POTEB3: variants seen among roughly 807,000 people sequenced by gnomAD.
POTEB3 encodes the protein POTE ankyrin domain family member B3, also known as ANKRD26-like family B member 1.
In POTEB3, 5 loss-of-function variants were observed where a neutral mutation model predicts 39.8. That is an observed-to-expected ratio of 0.13 (90% CI 0.07 to 0.26). The LOEUF (loss-of-function observed/expected upper bound fraction) is 0.26, where lower values mean the gene tolerates loss of function less well. POTEB3 is among the 10% of genes least tolerant of loss of function. The probability of loss-of-function intolerance (pLI) is 1.00; values close to 1 mark genes in which losing one functional copy is unlikely to be tolerated. For missense variants in POTEB3, 24 were observed against 475.6 expected, an observed-to-expected ratio of 0.05 and a Z score of 8.83; for synonymous variants, 5 against 161.5, an observed-to-expected ratio of 0.03 and a Z score of 7.35.
In POTEB3 at chr15:21,410,775, G is replaced by T. The variant is rs1898307240; in HGVS notation, c.1533+103C>A. Reference sequence around the variant, plus strand: ...TACACACACACAGACACACACACACGTGTGTATATATATGATTTAAAAATC... The same window carrying T: ...TACACACACACAGACACACACACACTTGTGTATATATATGATTTAAAAATC... On this transcript the variant is annotated intron_variant, in intron 10 of 10. Coordinates refer to ENST00000611217, the MANE Select transcript of POTEB3 (RefSeq NM_207355.5). 13 of 689,722 alleles carry T rather than the reference G, an allele frequency of 1.9e-5. 3 individuals carry two copies. Among genetic ancestry groups the T allele is most frequent in the Non-Finnish European group, 2.6e-5 (13 of 500,648 alleles). The allele number at this position is 689,722 out of a possible 1,614,324, so 42.7% of individuals were successfully genotyped here.
At position 21,439,885 on chromosome 15, in the gene POTEB3, T is replaced by G; in HGVS notation, c.127A>C (p.Met43Leu). 3.3e-6 allele frequency: 4 copies of G among 1,224,348 alleles called. No individual in the cohort carries two copies. The highest frequency in any genetic ancestry group is 1.9e-5 in the South Asian group (1 of 52,896). 75.8% of individuals were successfully genotyped at this position (1,224,348 alleles called of 1,614,324 possible). Reference protein sequence around the residue: ...PCCRGSGKSNMGTSGDHDDSF... With the variant: ...PCCRGSGKSNLGTSGDHDDSF... ...TCGTCGTGGTCTCCAGAAGTGCCCATGTTGCTCTTGCCGCTCCCCCTGCAG... is the reference window on the plus strand; with the variant it reads ...TCGTCGTGGTCTCCAGAAGTGCCCAGGTTGCTCTTGCCGCTCCCCCTGCAG... The change falls in exon 1 of 11, where the codon ATG becomes CTG. Residue 43 changes from methionine (M) to leucine (L), a missense_variant. Coordinates refer to ENST00000611217, the MANE Select transcript of POTEB3 (RefSeq NM_207355.5).
At chr15:21,412,900 AG>A (rs1898340305) in intron 9 of POTEB3, among the ~76,000 whole-genome samples, 1 of 85,468 alleles carries the variant, frequency 1.2e-5, no homozygotes, top group Non-Finnish European at 2.2e-5. Context: ...TAAACTAAAA[AG>A]CTTCAGCACA....
intron 6 of POTEB3, among the ~76,000 whole-genome samples, chr15:21,426,451 C>A (rs1473280580): frequency 3.3e-5 from 5 of 149,348 alleles, no homozygotes; most frequent in Admixed American, 3.3e-4. Flanking sequence ...TAACAAGCTC[C>A]TGTCTGTATT....
At chr15:21,417,275 T>C (rs1319769667) in intron 9 of POTEB3, among the ~76,000 whole-genome samples, 1 of 75,520 alleles carries the variant, frequency 1.3e-5, no homozygotes, top group Non-Finnish European at 2.3e-5. Context: ...CTTACTGGCA[T>C]GAGATCAAGA....
At chr15:21,426,562 T>C (rs1898720826) in intron 6 of POTEB3, among the ~76,000 whole-genome samples, 1 of 140,756 alleles carries the variant, frequency 7.1e-6, no homozygotes, top group Non-Finnish European at 1.5e-5. Flanking sequence ...AGAAATGTTT[T>C]CTTTGTAAAT....
rs1392020024 is a variant in POTEB3 at position 21,408,141 on chromosome 15, C to T, written c.*842G>A. On this transcript the variant is annotated 3_prime_UTR_variant, in exon 11 of 11. Coordinates refer to ENST00000611217, the MANE Select transcript of POTEB3 (RefSeq NM_207355.5). ...CCGTGGAAGATGGACTGACTTGTTC[C>T]TTGTGTCAACTGCAGCTTGTTGGAG... The T allele has an allele frequency of 1.2e-5, 1 of 81,914 alleles. No individual in the cohort carries two copies. Among genetic ancestry groups the T allele is most frequent in the Non-Finnish European group, 2.2e-5 (1 of 45,582 alleles). The allele number at this position is 81,914 out of a possible 1,614,324, so 5.1% of individuals were successfully genotyped here. A position where few individuals can be genotyped will look rare whatever the true frequency, so the allele number is the denominator to read the frequency against.
intron 6 of POTEB3, among the ~76,000 whole-genome samples, chr15:21,422,625 G>A (rs1373988572): frequency 7.3e-6 from 1 of 137,046 alleles, no homozygotes; most frequent in Non-Finnish European, 1.6e-5. Flanking sequence ...CCCTGTCTGA[G>A]AAGCCAGAGC....
chr15:21,422,857 C>T (rs1336458362), intron 6 of POTEB3, among the ~76,000 whole-genome samples: 1 of 150,656 alleles, frequency 6.6e-6, no homozygotes, highest in South Asian at 2.1e-4. Context: ...TATAAGTTTG[C>T]CTATATAAGC....
rs1269560290 is a variant in POTEB3, at chr15:21,409,365, C to T, written c.1534-170G>A. 4.6e-5 allele frequency among the ~76,000 whole-genome samples: 4 copies of T among 86,200 alleles called. 1 individual carries two copies. The South Asian group carries it at 1.1e-3, about 24-fold the overall frequency. The allele number at this position is 86,200 out of a possible 152,430, so 56.6% of individuals were successfully genotyped here. On this transcript the variant is annotated intron_variant, in intron 10 of 10. Coordinates refer to ENST00000611217, the MANE Select transcript of POTEB3 (RefSeq NM_207355.5). ...TTCAAATCTAAAAGAGTGTAAATTC[C>T]AAAAAGTTGAAATATTTATCTAAAG...
At chr15:21,415,987 C>T (rs1235210520) in intron 9 of POTEB3, among the ~76,000 whole-genome samples, 1 of 750 alleles carries the variant, frequency 1.3e-3, no homozygotes. Flanking sequence ...ATTCCAGACA[C>T]AGGGAACTGC....
Position 21,409,976 on chromosome 15 carries a change from T to TAC in POTEB3, c.1534-783_1534-782dup, listed in dbSNP as rs59893004. On this transcript the variant is annotated intron_variant, in intron 10 of 10. Transcript: ENST00000611217. Reference sequence around the variant, plus strand: ...TGACAGTGCAAGACTCCATCTAGAATACACACACACACACACACACACACA... The same window carrying TAC: ...TGACAGTGCAAGACTCCATCTAGAATACACACACACACACACACACACACACA... 6.4e-3 allele frequency among the ~76,000 whole-genome samples: 521 copies of TAC among 81,834 alleles called. 5 individuals are homozygous for TAC. Among genetic ancestry groups the TAC allele is most frequent in the Non-Finnish European group, 7.9e-3 (364 of 46,036 alleles). 53.7% of individuals were successfully genotyped at this position (81,834 alleles called of 152,430 possible).
At chr15:21,418,000 G>T (rs1252125346) in intron 9 of POTEB3, among the ~76,000 whole-genome samples, 1 of 103,948 alleles carries the variant, frequency 9.6e-6, no homozygotes, top group African/African-American at 7.3e-5. Flanking sequence ...TGTAAGTAAA[G>T]AATCTTGGAA....
rs1234089169 is a variant in POTEB3, at chr15:21,407,461, G to A, written c.*1522C>T. On this transcript the variant is annotated 3_prime_UTR_variant, in exon 11 of 11. Transcript: ENST00000611217. ...GATGTAGGAAGTTTCCATATAAAGG[G>A]CTGCAGTATGGAGAGGTAATGTGCA... Among the ~76,000 whole-genome samples, 2 of 88,224 alleles carry A rather than the reference G, an allele frequency of 2.3e-5. 1 individual carries two copies. Among genetic ancestry groups the A allele is most frequent in the Non-Finnish European group, 4.1e-5 (2 of 49,164 alleles). The allele number at this position is 88,224 out of a possible 152,430, so 57.9% of individuals were successfully genotyped here.
intron 6 of POTEB3, among the ~76,000 whole-genome samples, chr15:21,422,698 C>T (rs1386357010): frequency 6.7e-6 from 1 of 149,848 alleles, no homozygotes; most frequent in Non-Finnish European, 1.5e-5. Context: ...TTTACCATCT[C>T]CCCTCCCCCT....
In POTEB3 at chr15:21,405,441, C is replaced by T. The variant is rs79024939; in HGVS notation, c.*3542G>A. On this transcript the variant is annotated 3_prime_UTR_variant, in exon 11 of 11. Transcript: ENST00000611217. ...CAATGGGTCTTGGTTCTTTATCCAG[C>T]TTGCCCCCTGTGTCTTTCAATTGGA... Among the ~76,000 whole-genome samples the T allele has an allele frequency of 3.9e-5, 5 of 127,806 alleles. No homozygotes were observed. The East Asian group carries it at 7.1e-4, about 18-fold the overall frequency. The allele number at this position is 127,806 out of a possible 152,430, so 83.8% of individuals were successfully genotyped here.
At chr15:21,436,342 C>T (rs1260627485) in intron 1 of POTEB3, among the ~76,000 whole-genome samples, 1 of 113,416 alleles carries the variant, frequency 8.8e-6, no homozygotes, top group Non-Finnish European at 2.1e-5. Flanking sequence ...TGTTGCTTCC[C>T]TCTAGGTGTC....
Position 21,407,485 on chromosome 15 carries a change from C to G in POTEB3, c.*1498G>C, listed in dbSNP as rs8028057. ...GGCTGCAGTATGGAGAGGTAATGTG[C>G]AGGCTGGTACGTGGCTGTAGAGGTC... On this transcript the variant is annotated 3_prime_UTR_variant, in exon 11 of 11. Transcript: ENST00000611217. Among the ~76,000 whole-genome samples the G allele has an allele frequency of 1.1e-5, 1 of 89,484 alleles. No individual in the cohort carries two copies. Among genetic ancestry groups the G allele is most frequent in the Non-Finnish European group, 2.0e-5 (1 of 49,698 alleles). 58.7% of individuals were successfully genotyped at this position (89,484 alleles called of 152,430 possible). A position where few individuals can be genotyped will look rare whatever the true frequency, so the allele number is the denominator to read the frequency against.
At chr15:21,425,170 C>T (rs1287192740) in intron 6 of POTEB3, 1 of 139,142 alleles carries the variant, frequency 7.2e-6, no homozygotes. Flanking sequence ...TATCTTCCAT[C>T]AATCCCAGCA....
intron 9 of POTEB3, among the ~76,000 whole-genome samples, chr15:21,413,004 AC>A (rs1898343453): frequency 1.1e-5 from 1 of 94,176 alleles, no homozygotes; most frequent in South Asian, 2.7e-4. Context: ...AATGTCCATA[AC>A]CTACCAGAAG....
Sources: allele counts gnomAD v4.1 joint callset (sites outside exome capture counted in the v4.1 genomes callset), GRCh38; gene constraint gnomAD v4.1.1; transcripts MANE v1.5; gene names NCBI Gene and HGNC (gene_info 2026-07-23, HGNC 2026-07-21).